HTR4: variants seen among roughly 807,000 people sequenced by gnomAD.
HTR4 encodes the protein 5-hydroxytryptamine (serotonin) receptor 4, G protein-coupled.
A neutral mutation model predicts 36.8 loss-of-function variants in HTR4; 16 were observed. The ratio of observed to expected loss-of-function variants is 0.43; its 90% CI spans 0.29 to 0.66. The LOEUF is 0.66. Among genes scored for constraint, HTR4 ranks in the 30% least tolerant of loss-of-function variants. The probability of loss-of-function intolerance (pLI) is 0.13; values close to 1 mark genes in which losing one functional copy is unlikely to be tolerated. For missense variants in HTR4, 438 were observed against 490.9 expected, an observed-to-expected ratio of 0.89 and a Z score of 1.02; for synonymous variants, 189 against 185.1, an observed-to-expected ratio of 1.02 and a Z score of -0.17.
At chr5:148,641,774 C>T (rs1213733011) in intron 1 of HTR4, among the ~76,000 whole-genome samples, 3 of 152,096 alleles carry the variant, frequency 2.0e-5, no homozygotes, top group Non-Finnish European at 1.5e-5. Context: ...AAGTGCAAAC[C>T]CCAAAGGTAA....
intron 4 of HTR4, among the ~76,000 whole-genome samples, chr5:148,534,105 G>A (rs531452944): frequency 6.6e-6 from 1 of 152,310 alleles, no homozygotes; most frequent in South Asian, 2.1e-4. Flanking sequence ...TGTCGCTTAA[G>A]CTGCTGAGTT....
At chr5:148,530,132 C>T (rs774171957) in intron 4 of HTR4, among the ~76,000 whole-genome samples, 1 of 152,146 alleles carries the variant, frequency 6.6e-6, no homozygotes, top group African/African-American at 2.4e-5. Context: ...GGAAAATTTG[C>T]AGCCTGACAA....
chr5:148,601,257 A>G (rs994051753), intron 2 of HTR4, among the ~76,000 whole-genome samples: 2 of 152,168 alleles, frequency 1.3e-5, no homozygotes, highest in Non-Finnish European at 2.9e-5. Flanking sequence ...AAATTGGCAC[A>G]AGCATTATGG....
chr5:148,560,499 C>A (rs933035872), intron 2 of HTR4, among the ~76,000 whole-genome samples: 3 of 152,138 alleles, frequency 2.0e-5, no homozygotes, highest in African/African-American at 7.2e-5. Flanking sequence ...ACAAGGGATG[C>A]CCTTAATCTT....
intron 2 of HTR4, among the ~76,000 whole-genome samples, chr5:148,614,309 G>T (rs1192820582): frequency 1.3e-5 from 2 of 150,342 alleles, no homozygotes; most frequent in Non-Finnish European, 3.0e-5. Context: ...AACCAAAACA[G>T]CATGGTACTG....
At chr5:148,653,454 T>C (rs1183430293) in intron 1 of HTR4, among the ~76,000 whole-genome samples, 1 of 152,118 alleles carries the variant, frequency 6.6e-6, no homozygotes, top group African/African-American at 2.4e-5. Flanking sequence ...AAATCGGGAT[T>C]GGGATTCTGT....
At chr5:148,557,348 G>A (rs375036454) in intron 2 of HTR4, among the ~76,000 whole-genome samples, 2 of 145,706 alleles carry the variant, frequency 1.4e-5, no homozygotes, top group East Asian at 4.0e-4. Context: ...GTGGGAAGAA[G>A]CACAAATAAA....
chr5:148,500,791 A>G (rs1434719414), intron 6 of HTR4, among the ~76,000 whole-genome samples: 1 of 152,184 alleles, frequency 6.6e-6, no homozygotes, highest in African/African-American at 2.4e-5. Context: ...AGTAATGCAA[A>G]TTAAATGATA....
intron 2 of HTR4, among the ~76,000 whole-genome samples, chr5:148,600,976 CAAAAAAAAAAAA>C (rs58003522): frequency 7.4e-5 from 1 of 13,546 alleles, no homozygotes; most frequent in Non-Finnish European, 1.3e-4. Flanking sequence ...AACTCAATAG[CAAAAAAAAAAAA>C]AAAAAAAAAA....
At chr5:148,628,007 T>C (rs1164493801) in intron 2 of HTR4, among the ~76,000 whole-genome samples, 1 of 152,188 alleles carries the variant, frequency 6.6e-6, no homozygotes, top group Non-Finnish European at 1.5e-5. Flanking sequence ...ATGTGATAGT[T>C]CAAGATGGCT....
chr5:148,521,112 C>G (rs1433972435), intron 5 of HTR4: 4 of 1,020,940 alleles, frequency 3.9e-6, no homozygotes, highest in South Asian at 3.0e-5. Context: ...ACTTCTACAG[C>G]AAGTGCCTGA....
At chr5:148,620,004 G>A (rs1293425488) in intron 2 of HTR4, among the ~76,000 whole-genome samples, 2 of 152,116 alleles carry the variant, frequency 1.3e-5, no homozygotes, top group East Asian at 3.8e-4. Context: ...ACAGACAATA[G>A]ACAAGCCGAG....
intron 2 of HTR4, among the ~76,000 whole-genome samples, chr5:148,597,679 A>C (rs559513994): frequency 3.3e-4 from 50 of 152,282 alleles, no homozygotes; most frequent in African/African-American, 1.2e-3. Context: ...CGCACCTTTC[A>C]ACTGTCACTT....
chr5:148,552,808 G>A lies in HTR4; in HGVS notation c.27-2546C>T, dbSNP rs567864632. Among the ~76,000 whole-genome samples, 10 of 152,238 alleles carry A rather than the reference G, an allele frequency of 6.6e-5. No homozygotes were observed. In the South Asian group the frequency reaches 1.7e-3, roughly 25 times the overall value. Reference sequence around the variant, plus strand: ...TATCTAGTCTAGAGTATGTATTAATGTACATGAAATGCTATGTATTAATAT... The same window carrying A: ...TATCTAGTCTAGAGTATGTATTAATATACATGAAATGCTATGTATTAATAT... On this transcript the variant is annotated intron_variant, in intron 2 of 6. Coordinates refer to ENST00000377888, the MANE Select transcript of HTR4 (RefSeq NM_000870.7).
At position 148,511,174 on chromosome 5, in the gene HTR4, G is replaced by A. The variant is rs115705195; in HGVS notation, c.508-1150C>T. 8.4e-3 allele frequency among the ~76,000 whole-genome samples: 1,275 copies of A among 151,858 alleles called. 10 individuals carry two copies. The highest frequency in any genetic ancestry group is 0.013 in the Non-Finnish European group (899 of 67,938). On this transcript the variant is annotated intron_variant, in intron 5 of 6. Transcript: ENST00000377888. Reference sequence around the variant, plus strand: ...AACCTTCCATCCTTCTTCTTTTTTCGAATATTTTATTGAACCAAAATACGT... The same window carrying A: ...AACCTTCCATCCTTCTTCTTTTTTCAAATATTTTATTGAACCAAAATACGT...
intron 2 of HTR4, among the ~76,000 whole-genome samples, chr5:148,560,818 C>A (rs974874952): frequency 2.0e-5 from 3 of 152,024 alleles, no homozygotes; most frequent in African/African-American, 7.2e-5. Context: ...TCCAGTATTT[C>A]TCCTACTAAA....
At chr5:148,564,116 T>C (rs1415559898) in intron 2 of HTR4, among the ~76,000 whole-genome samples, 1 of 152,238 alleles carries the variant, frequency 6.6e-6, no homozygotes, top group Admixed American at 6.5e-5. Flanking sequence ...ATAGCACATC[T>C]TGACCTGGTT....
intron 6 of HTR4, among the ~76,000 whole-genome samples, chr5:148,505,211 G>A (rs1360280217): frequency 2.6e-5 from 4 of 152,100 alleles, no homozygotes; most frequent in Admixed American, 2.6e-4. Context: ...TGCAAGGCTG[G>A]TTCAACATAT....
At chr5:148,577,642 A>G (rs983269917) in intron 2 of HTR4, among the ~76,000 whole-genome samples, 1 of 152,170 alleles carries the variant, frequency 6.6e-6, no homozygotes, top group African/African-American at 2.4e-5. Context: ...CAGCCTATAT[A>G]AATAATAAGA....
Sources: gnomAD v4.1 joint callset for allele counts (sites outside exome capture counted in the v4.1 genomes callset) on GRCh38, gnomAD v4.1.1 for gene constraint, MANE v1.5 for transcripts, NCBI Gene and HGNC (gene_info 2026-07-23, HGNC 2026-07-21) for gene names.